CAPN2: variants seen among roughly 807,000 people sequenced by gnomAD.
CAPN2 encodes calpain 2, also known as calpain-2 catalytic subunit.
CAPN2 carries 92 observed loss-of-function variants against 102.3 expected under a neutral mutation model. That is an observed-to-expected ratio of 0.90 (90% CI 0.76 to 1.07). The LOEUF (loss-of-function observed/expected upper bound fraction) is 1.07, where lower values mean the gene tolerates loss of function less well. Among genes scored for constraint, CAPN2 ranks in the 50% least tolerant of loss-of-function variants. The probability of loss-of-function intolerance (pLI) is 0.00; values close to 1 mark genes in which losing one functional copy is unlikely to be tolerated. For missense variants in CAPN2, 800 were observed against 909.4 expected (o/e 0.88, Z 1.55); for synonymous variants, 340 against 355.4 (o/e 0.96, Z 0.49).
chr1:223,766,499 AAC>A, intron 16 of CAPN2, 68 bp downstream of exon 16: 1 of 1,214,440 alleles, frequency 8.2e-7, no homozygotes, highest in Admixed American at 1.7e-5. Flanking sequence ...GAAAGATTCA[AAC>A]ACATGGCCTT....
intron 2 of CAPN2, among the ~76,000 whole-genome samples, chr1:223,732,112 C>T (rs1660352048): frequency 6.6e-6 from 1 of 151,900 alleles, no homozygotes; most frequent in South Asian, 2.1e-4. Flanking sequence ...GGTGTGGGGT[C>T]ACGGTGTGGG....
chr1:223,730,236 G>A (rs1314638403), intron 2 of CAPN2, among the ~76,000 whole-genome samples: 1 of 152,046 alleles, frequency 6.6e-6, no homozygotes, highest in Non-Finnish European at 1.5e-5. Flanking sequence ...GACCTGAAGG[G>A]AAGGTGATTC....
intron 3 of CAPN2, among the ~76,000 whole-genome samples, chr1:223,744,938 G>A (rs768240011): frequency 1.3e-5 from 2 of 152,016 alleles, no homozygotes; most frequent in East Asian, 1.9e-4. Flanking sequence ...CCAGCTACTC[G>A]GGAGGCTGAG....
rs745332900 is a variant in CAPN2, at chr1:223,754,090, G to A, written c.1135+1134G>A. Reference sequence around the variant, plus strand: ...AGTGACTTGCTGAAGGCCACAGAGCGTGCTGGGATTTGAACCCAGGCCCCC... The same window carrying A: ...AGTGACTTGCTGAAGGCCACAGAGCATGCTGGGATTTGAACCCAGGCCCCC... On this transcript the variant is annotated intron_variant, in intron 9 of 20. Transcript: ENST00000295006. This position sits in a 1 kb window ranked among gnomAD's most constrained non-coding sequence, Gnocchi z 4.7. Among the ~76,000 whole-genome samples the A allele has an allele frequency of 5.9e-5, 9 of 152,218 alleles. No individual in the cohort carries two copies. Among genetic ancestry groups the A allele is most frequent in the African/African-American group, 1.7e-4 (7 of 41,458 alleles).
chr1:223,724,442 G>A (rs1484591956), intron 2 of CAPN2, among the ~76,000 whole-genome samples: 2 of 152,210 alleles, frequency 1.3e-5, no homozygotes, highest in Non-Finnish European at 2.9e-5. Context: ...GTGTATATCT[G>A]CACTGCTCCA....
rs555465109 is a variant in CAPN2 at position 223,723,562 on chromosome 1, C to T, written c.307+5731C>T. On this transcript the variant is annotated intron_variant, in intron 2 of 20. Coordinates refer to ENST00000295006, the MANE Select transcript of CAPN2 (RefSeq NM_001748.5). ...TGGTTGTAAATGCTCTTGCACTTTT[C>T]TCCCTTGTGGCTGCCGTCCACACTC... Among the ~76,000 whole-genome samples, 3 of 152,206 alleles carry T rather than the reference C, an allele frequency of 2.0e-5. No individual in the cohort carries two copies. The South Asian group carries it at 6.2e-4, about 32-fold the overall frequency.
intron 2 of CAPN2, among the ~76,000 whole-genome samples, chr1:223,719,805 C>CGTGTGTGTGTGTGTGT (rs10556130): frequency 5.6e-4 from 80 of 143,738 alleles, no homozygotes; most frequent in East Asian, 1.7e-3. Flanking sequence ...GGGGTGTGTG[C>CGTGTGTGTGTGTGTGT]GTGTGTGTGT....
chr1:223,712,467 C>G (rs1356326971), upstream of CAPN2: 1 of 1,147,506 alleles, frequency 8.7e-7, no homozygotes, highest in Non-Finnish European at 1.1e-6. Flanking sequence ...AGGCCGGGAG[C>G]GGCTGAGGCC....
intron 2 of CAPN2, among the ~76,000 whole-genome samples, chr1:223,740,475 C>T (rs1222140): frequency 0.76 from 115,453 of 152,014 alleles, 47,038 homozygotes; most frequent in South Asian, 0.94. Context: ...GTATTTGTCC[C>T]GATTGGCTAA....
At chr1:223,761,736 C>A in intron 13 of CAPN2, 119 bp downstream of exon 13, 1 of 826,898 alleles carries the variant, frequency 1.2e-6, no homozygotes, top group Non-Finnish European at 2.0e-6. Flanking sequence ...AAGGATAAAG[C>A]CGGGTACTGG....
In CAPN2 at chr1:223,726,149, A is replaced by G. The variant is rs2102781643; in HGVS notation, c.307+8318A>G. Among the ~76,000 whole-genome samples, 1 of 152,294 alleles carries G rather than the reference A, an allele frequency of 6.6e-6. No homozygotes were observed. The highest frequency in any genetic ancestry group is 1.9e-4 in the East Asian group (1 of 5,176). On this transcript the variant is annotated intron_variant, in intron 2 of 20. Transcript: ENST00000295006. The surrounding 1 kb of genome is among the most constrained non-coding windows in gnomAD (Gnocchi z 4.4). ...TGTGAATCCCCTCAGGAAGTCAGGAAAATAGATACTGTCTTTGGGCTTCCT... is the reference window on the plus strand; with the variant it reads ...TGTGAATCCCCTCAGGAAGTCAGGAGAATAGATACTGTCTTTGGGCTTCCT...
Position 223,757,509 on chromosome 1 carries a change from C to T in CAPN2, c.1317+129C>T, listed in dbSNP as rs1661066675. 4.2e-6 allele frequency: 4 copies of T among 953,440 alleles called. No homozygotes were observed. In the Admixed American group the frequency reaches 5.7e-5, roughly 14 times the overall value. The allele number at this position is 953,440 out of a possible 1,614,324, so 59.1% of individuals were successfully genotyped here. A position where few individuals can be genotyped will look rare whatever the true frequency, so the allele number is the denominator to read the frequency against. On this transcript the variant is annotated intron_variant, in intron 11 of 20. Coordinates refer to ENST00000295006, the MANE Select transcript of CAPN2 (RefSeq NM_001748.5). ...GTCATGAAGGATGAGTCCTGGCCAC[C>T]CCTGGGGCCCTGCTGAAGTTGCCCA...
chr1:223,732,343 CTGA>C (rs1055608354), intron 2 of CAPN2, among the ~76,000 whole-genome samples: 2 of 152,192 alleles, frequency 1.3e-5, no homozygotes. Context: ...GCCCTGAGGG[CTGA>C]TGATTGCCCA....
chr1:223,743,256 C>A (rs1374239532), intron 2 of CAPN2, among the ~76,000 whole-genome samples: 2 of 152,168 alleles, frequency 1.3e-5, no homozygotes, highest in African/African-American at 4.8e-5. Flanking sequence ...CTTGTCTACC[C>A]CTTGAAGTGA....
rs1661450342 is a variant in CAPN2, at chr1:223,770,612, T to G, written c.1903+87T>G. 73 of 882,580 alleles carry G rather than the reference T, an allele frequency of 8.3e-5. 2 individuals are homozygous for G. The South Asian group carries it at 1.1e-3, about 13-fold the overall frequency. The allele number at this position is 882,580 out of a possible 1,614,324, so 54.7% of individuals were successfully genotyped here. ...TCATCTTATACCATATAACACAAGA[T>G]TTGGTAAAGCTATAAAATAAAGTAG... On this transcript the variant is annotated intron_variant, in intron 18 of 20. Transcript: ENST00000295006.
intron 20 of CAPN2, 67 bp from the exon 21 acceptor site, chr1:223,774,767 G>A: frequency 7.1e-7 from 1 of 1,414,166 alleles, no homozygotes; most frequent in Non-Finnish European, 1.0e-6. Flanking sequence ...ACAATCTACA[G>A]GTACTTAAAT....
Position 223,750,901 on chromosome 1 carries a change from C to T in CAPN2, c.825C>T (p.Asn275=), listed in dbSNP as rs763983286. Residue 275 remains asparagine, a synonymous_variant, in exon 7 of 21, where the codon AAC becomes AAT. Coordinates refer to ENST00000295006, the MANE Select transcript of CAPN2 (RefSeq NM_001748.5). ...ATCTAATCCTGCAGGTTGAAAGTAA[C>T]GGAAGCCTACAGAAACTGATCCGCA... ...SVTGAEEVES[N]GSLQKLIRIR... 55 of 1,551,930 alleles carry T rather than the reference C, an allele frequency of 3.5e-5. No homozygotes were observed. Among genetic ancestry groups the T allele is most frequent in the Admixed American group, 7.8e-5 (4 of 51,004 alleles).
intron 11 of CAPN2, chr1:223,758,096 G>C (rs1448823040): frequency 6.6e-6 from 1 of 152,060 alleles, no homozygotes; most frequent in East Asian, 1.9e-4. Flanking sequence ...CCTGACCTCA[G>C]GTGATCCACC....
intron 2 of CAPN2, among the ~76,000 whole-genome samples, chr1:223,743,346 T>C (rs12070057): frequency 0.24 from 35,863 of 152,072 alleles, 7,216 homozygotes; most frequent in African/African-American, 0.55. Flanking sequence ...TCTGCACTGC[T>C]CCGTACTTAC....
Sources: allele counts gnomAD v4.1 joint callset (sites outside exome capture counted in the v4.1 genomes callset), GRCh38; gene constraint gnomAD v4.1.1; non-coding constraint Gnocchi (gnomAD v3.1); transcripts MANE v1.5; gene names NCBI Gene and HGNC (gene_info 2026-07-23, HGNC 2026-07-21).